Variants in NTNG1 observed in about 807,000 individuals in gnomAD.
NTNG1 encodes netrin G1.
NTNG1 carries 16 observed loss-of-function variants against 54.0 expected under a neutral mutation model. The observed-to-expected ratio is 0.30, with a 90% CI of 0.20 to 0.45. The LOEUF is 0.45. NTNG1 is among the 20% of genes least tolerant of loss of function. The probability of loss-of-function intolerance (pLI) is 1.00; values close to 1 mark genes in which losing one functional copy is unlikely to be tolerated. For synonymous variants in NTNG1, 255 were observed against 263.1 expected (o/e 0.97, Z 0.30); for missense variants, 530 against 678.7 (o/e 0.78, Z 2.43).
chr1:107,234,845 T>C (rs1173214465), intron 2 of NTNG1, among the ~76,000 whole-genome samples: 1 of 152,174 alleles, frequency 6.6e-6, no homozygotes, highest in Non-Finnish European at 1.5e-5. Context: ...TTATCAACAC[T>C]GGAACTGCTC....
chr1:107,434,739 A>T (rs2101362055), intron 6 of NTNG1, among the ~76,000 whole-genome samples: 1 of 152,294 alleles, frequency 6.6e-6, no homozygotes, highest in Non-Finnish European at 1.5e-5. Flanking sequence ...CAGGTATTTT[A>T]CGTTGCTTTG....
rs567677408 is a variant in NTNG1 at position 107,290,279 on chromosome 1, C to T, written c.247-34003C>T. On this transcript the variant is annotated intron_variant, in intron 2 of 7. Transcript: ENST00000370068. ...AATTCATTGAGTGTTTTAACTTACTCATGGCTTGAGAGCCTCAATGACCCT... is the reference window on the plus strand; with the variant it reads ...AATTCATTGAGTGTTTTAACTTACTTATGGCTTGAGAGCCTCAATGACCCT... Among the ~76,000 whole-genome samples, 6 of 152,274 alleles carry T rather than the reference C, an allele frequency of 3.9e-5. No individual in the cohort carries two copies. In the East Asian group the frequency reaches 7.7e-4, roughly 20 times the overall value.
chr1:107,449,238 C>T (rs1423795518), intron 7 of NTNG1, among the ~76,000 whole-genome samples: 1 of 151,382 alleles, frequency 6.6e-6, no homozygotes, highest in African/African-American at 2.4e-5. Flanking sequence ...TAGAAAGTGA[C>T]AAGACAGGGG....
At chr1:107,316,871 G>C (rs766456027) in intron 2 of NTNG1, among the ~76,000 whole-genome samples, 64 of 152,116 alleles carry the variant, frequency 4.2e-4, no homozygotes, top group Non-Finnish European at 8.4e-4. Flanking sequence ...AATAGCTAAC[G>C]AATTTGGAAC....
chr1:107,364,773 G>C (rs1408563494), intron 3 of NTNG1, among the ~76,000 whole-genome samples: 1 of 152,170 alleles, frequency 6.6e-6, no homozygotes, highest in African/African-American at 2.4e-5. Context: ...TTACAGATAA[G>C]AGTAGTTCCA....
chr1:107,367,890 T>C (rs1670693977), intron 3 of NTNG1, among the ~76,000 whole-genome samples: 1 of 151,992 alleles, frequency 6.6e-6, no homozygotes, highest in Non-Finnish European at 1.5e-5. Context: ...GCCTCCTGAG[T>C]AGCTGTGACT....
At chr1:107,249,647 T>C (rs1662455470) in intron 2 of NTNG1, among the ~76,000 whole-genome samples, 1 of 152,202 alleles carries the variant, frequency 6.6e-6, no homozygotes, top group Non-Finnish European at 1.5e-5. Flanking sequence ...TTCAGAGAAC[T>C]ACATAAAATC....
At chr1:107,372,411 G>T (rs1670975311) in intron 3 of NTNG1, among the ~76,000 whole-genome samples, 1 of 151,844 alleles carries the variant, frequency 6.6e-6, no homozygotes, top group African/African-American at 2.4e-5. Context: ...AACTTTTTGA[G>T]ATTTAATTTG....
intron 2 of NTNG1, among the ~76,000 whole-genome samples, chr1:107,244,155 C>T (rs1314072122): frequency 6.6e-6 from 1 of 152,138 alleles, no homozygotes; most frequent in Non-Finnish European, 1.5e-5. Flanking sequence ...ATAATGTTGC[C>T]TGTTGTTTAG....
At chr1:107,422,336 G>A (rs1005246029) in intron 5 of NTNG1, among the ~76,000 whole-genome samples, 9 of 152,002 alleles carry the variant, frequency 5.9e-5, no homozygotes, top group Non-Finnish European at 1.2e-4. Context: ...AAACAAAGGA[G>A]GTGAAGGAGA....
At chr1:107,353,389 G>A (rs973857180) in intron 3 of NTNG1, among the ~76,000 whole-genome samples, 5 of 152,032 alleles carry the variant, frequency 3.3e-5, no homozygotes, top group African/African-American at 1.2e-4. Flanking sequence ...GATCCCTAGG[G>A]CAGGGCACAA....
intron 7 of NTNG1, among the ~76,000 whole-genome samples, chr1:107,444,587 C>G (rs556050183): frequency 6.6e-6 from 1 of 152,138 alleles, no homozygotes; most frequent in Non-Finnish European, 1.5e-5. Context: ...AGAGAGGGGC[C>G]TCCACTTTGA....
chr1:107,334,855 C>A (rs893370372), intron 3 of NTNG1, among the ~76,000 whole-genome samples: 2 of 151,964 alleles, frequency 1.3e-5, no homozygotes, highest in African/African-American at 4.8e-5. Context: ...CTAAGCATCA[C>A]GTAGAGGACC....
At chr1:107,443,176 G>A (rs1460335592) in intron 7 of NTNG1, among the ~76,000 whole-genome samples, 3 of 152,082 alleles carry the variant, frequency 2.0e-5, no homozygotes, top group Non-Finnish European at 4.4e-5. Context: ...GCCCACCTCA[G>A]TTTATAGTAA....
intron 7 of NTNG1, among the ~76,000 whole-genome samples, chr1:107,438,426 G>A (rs1199375601): frequency 6.6e-6 from 1 of 152,202 alleles, no homozygotes; most frequent in African/African-American, 2.4e-5. Flanking sequence ...GTGCCTGGGA[G>A]AGTTGGTGGA....
At chr1:107,367,452 A>T (rs1342480902) in intron 3 of NTNG1, among the ~76,000 whole-genome samples, 1 of 152,056 alleles carries the variant, frequency 6.6e-6, no homozygotes, top group Non-Finnish European at 1.5e-5. Context: ...GGCCTAAAAA[A>T]CTTCATTTGT....
At chr1:107,385,837 GT>G (rs199598070) in intron 3 of NTNG1, among the ~76,000 whole-genome samples, 151 of 140,422 alleles carry the variant, frequency 1.1e-3, no homozygotes, top group South Asian at 5.5e-3. Context: ...TAAGAATTTT[GT>G]TTTTTTTTTT....
intron 2 of NTNG1, among the ~76,000 whole-genome samples, chr1:107,155,237 G>A (rs1654895920): frequency 6.6e-6 from 1 of 151,894 alleles, no homozygotes; most frequent in Admixed American, 6.6e-5. Flanking sequence ...GAGGACTAGT[G>A]TTATCACCAT....
chr1:107,468,779 G>A (rs1193733037), intron 7 of NTNG1, among the ~76,000 whole-genome samples: 1 of 152,212 alleles, frequency 6.6e-6, no homozygotes, highest in African/African-American at 2.4e-5. Context: ...ATTATAATAA[G>A]AGCTAATACA....
Sources: allele counts gnomAD v4.1 joint callset (sites outside exome capture counted in the v4.1 genomes callset), GRCh38; gene constraint gnomAD v4.1.1; transcripts MANE v1.5; gene names NCBI Gene and HGNC (gene_info 2026-07-23, HGNC 2026-07-21).